CD9: variants seen among roughly 807,000 people sequenced by gnomAD.
CD9 encodes CD9 molecule.
A neutral mutation model predicts 31.4 loss-of-function variants in CD9; 10 were observed. That is an observed-to-expected ratio of 0.32 (90% CI 0.20 to 0.54). CD9 has a LOEUF of 0.54. Among genes scored for constraint, CD9 ranks in the 20% least tolerant of loss-of-function variants. The probability of loss-of-function intolerance (pLI) is 0.94; values close to 1 mark genes in which losing one functional copy is unlikely to be tolerated. For missense variants in CD9, 259 were observed against 300.1 expected, an observed-to-expected ratio of 0.86 and a Z score of 1.01; for synonymous variants, 113 against 114.1, an observed-to-expected ratio of 0.99 and a Z score of 0.06.
intron 1 of CD9, among the ~76,000 whole-genome samples, chr12:6,209,071 T>C (rs1039883218): frequency 6.6e-6 from 1 of 151,162 alleles, no homozygotes; most frequent in Non-Finnish European, 1.5e-5. Flanking sequence ...CAGGTTCAAG[T>C]GATTCTCCCG....
chr12:6,199,976 T>C (rs1189627551), upstream of CD9: 1 of 152,144 alleles, frequency 6.6e-6, no homozygotes, highest in African/African-American at 2.4e-5. Flanking sequence ...CCAAGGGGCC[T>C]TTAGCCCTGA....
intron 6 of CD9, chr12:6,235,882 C>T (rs1946514400): frequency 7.3e-7 from 1 of 1,367,654 alleles, no homozygotes; most frequent in Non-Finnish European, 9.4e-7. Context: ...GTCTGTAAGC[C>T]AGAGTTAATG....
chr12:6,232,623 CT>C lies in CD9; in HGVS notation c.176-8del. On this transcript the variant is annotated splice_region_variant and splice_polypyrimidine_tract_variant and intron_variant, in intron 2 of 7. Transcript: ENST00000009180. The surrounding 1 kb of genome is among the most constrained non-coding windows in gnomAD (Gnocchi z 4.8). ...TCCACGCGTGTGTGCTTCCTCTGTC[CT>C]CCCGCAGGAGTCTATATTCTGATCG... The C allele has an allele frequency of 6.5e-7, 1 of 1,548,320 alleles. No homozygotes were observed. Among genetic ancestry groups the C allele is most frequent in the Non-Finnish European group, 8.7e-7 (1 of 1,143,556 alleles).
intron 1 of CD9, among the ~76,000 whole-genome samples, chr12:6,221,558 C>T (rs1946292083): frequency 6.6e-6 from 1 of 152,200 alleles, no homozygotes; most frequent in Non-Finnish European, 1.5e-5. Flanking sequence ...GACCCCTTGG[C>T]CTCCCGGACT....
chr12:6,222,515 A>G (rs1199038150), intron 1 of CD9, among the ~76,000 whole-genome samples: 1 of 152,192 alleles, frequency 6.6e-6, no homozygotes, highest in African/African-American at 2.4e-5. Flanking sequence ...CGCATGATGT[A>G]AGGTTTAAGG....
intron 1 of CD9, among the ~76,000 whole-genome samples, chr12:6,212,572 C>A (rs2136608860): frequency 6.6e-6 from 1 of 152,344 alleles, no homozygotes; most frequent in Non-Finnish European, 1.5e-5. Context: ...CCCAGCTGCA[C>A]TAGCACCCCT....
rs563825027 is a variant in CD9 at position 6,221,488 on chromosome 12, A to G, written c.67-3938A>G. Among the ~76,000 whole-genome samples the G allele has an allele frequency of 7.0e-4, 107 of 152,282 alleles. 1 individual carries two copies. The highest frequency in any genetic ancestry group is 2.4e-3 in the African/African-American group (100 of 41,568). ...TAGGCTGGGGTGGGGCAGCCATCGA[A>G]GAAATTACATGGTCAGCATGCCGCC... On this transcript the variant is annotated intron_variant, in intron 1 of 7. Transcript: ENST00000009180.
At chr12:6,217,860 A>G (rs1396761458) in intron 1 of CD9, among the ~76,000 whole-genome samples, 3 of 152,210 alleles carry the variant, frequency 2.0e-5, no homozygotes, top group African/African-American at 4.8e-5. Flanking sequence ...ACTGTGAGCA[A>G]TGATCTGCTC....
At chr12:6,234,522 A>G (rs1426651504) in intron 4 of CD9, 1 of 152,244 alleles carries the variant, frequency 6.6e-6, no homozygotes, top group Non-Finnish European at 1.5e-5. Flanking sequence ...AGCCATAGAA[A>G]TAGGAGGGGA....
At chr12:6,236,392 C>A in intron 7 of CD9, 117 bp downstream of exon 7, 2 of 859,922 alleles carry the variant, frequency 2.3e-6, no homozygotes, top group Non-Finnish European at 3.7e-6. Context: ...TGTCCTCGTG[C>A]CCTTAGTATT....
At chr12:6,209,260 C>T (rs755564097) in intron 1 of CD9, among the ~76,000 whole-genome samples, 2 of 152,126 alleles carry the variant, frequency 1.3e-5, no homozygotes, top group Admixed American at 6.6e-5. Flanking sequence ...GCACCGGGCT[C>T]GTCGTAGCTT....
chr12:6,202,131 T>A (rs897182616), intron 1 of CD9, among the ~76,000 whole-genome samples: 5 of 152,154 alleles, frequency 3.3e-5, no homozygotes, highest in African/African-American at 1.2e-4. Context: ...TAAGATTCAC[T>A]CCTCCCCAGA....
intron 1 of CD9, among the ~76,000 whole-genome samples, chr12:6,220,956 A>C (rs2136618588): frequency 6.6e-6 from 1 of 152,186 alleles, no homozygotes; most frequent in East Asian, 1.9e-4. Flanking sequence ...CCTATCCAGG[A>C]CACCACAGGA....
At position 6,232,710 on chromosome 12, in the gene CD9, C is replaced by A; in HGVS notation, c.254C>A (p.Ser85Tyr). Residue 85 changes from serine to tyrosine, a missense_variant, in exon 3 of 8, where the codon TCC becomes TAC. Ser to Tyr is a moderately radical substitution (Grantham distance 144). Transcript: ENST00000009180. The surrounding 1 kb of genome is among the most constrained non-coding windows in gnomAD (Gnocchi z 4.8). ...FLGCCGAVQE[S>Y]QCMLGLFFGF... is the part of the protein sequence containing the mutation. The stretch of plus-strand genomic sequence containing the variant: ...GGCTGCTGCGGGGCTGTGCAGGAGT[C>A]CCAGTGCATGCTGGGACTGGTGAGT... 1 of 1,566,996 alleles carries A rather than the reference C, an allele frequency of 6.4e-7. No individual in the cohort carries two copies. The highest frequency in any genetic ancestry group is 8.6e-7 in the Non-Finnish European group (1 of 1,160,430).
At chr12:6,228,368 A>G (rs1946396364) in intron 2 of CD9, among the ~76,000 whole-genome samples, 1 of 152,160 alleles carries the variant, frequency 6.6e-6, no homozygotes, top group Non-Finnish European at 1.5e-5. Flanking sequence ...CCTGGCCAAC[A>G]TGGCAAAACC....
At chr12:6,224,151 A>G (rs890358689) in intron 1 of CD9, among the ~76,000 whole-genome samples, 3 of 152,192 alleles carry the variant, frequency 2.0e-5, no homozygotes, top group African/African-American at 7.2e-5. Context: ...TGGTTCTCCC[A>G]GAGCCCATTT....
chr12:6,212,843 A>G (rs1389687507), intron 1 of CD9, among the ~76,000 whole-genome samples: 1 of 152,078 alleles, frequency 6.6e-6, no homozygotes, highest in Non-Finnish European at 1.5e-5. Context: ...GTTTAAGTGT[A>G]TGTGTGGACC....
chr12:6,225,597 G>A, intron 2 of CD9, 63 bp downstream of exon 2: 1 of 1,071,556 alleles, frequency 9.3e-7, no homozygotes. Flanking sequence ...CTGCAACTTT[G>A]GAGGCCCCAT....
intron 4 of CD9, among the ~76,000 whole-genome samples, chr12:6,234,961 C>G (rs1388289779): frequency 1.3e-5 from 2 of 152,100 alleles, no homozygotes; most frequent in Non-Finnish European, 2.9e-5. Flanking sequence ...AGTTAGGAGC[C>G]AAGTAGAGCT....
Sources: allele counts gnomAD v4.1 joint callset (sites outside exome capture counted in the v4.1 genomes callset), GRCh38; gene constraint gnomAD v4.1.1; non-coding constraint Gnocchi (gnomAD v3.1); transcripts MANE v1.5; gene names NCBI Gene and HGNC (gene_info 2026-07-23, HGNC 2026-07-21).